Variants in MON2 observed in about 807,000 individuals in gnomAD.
The protein encoded by MON2 is protein MON2 homolog.
A neutral mutation model predicts 208.6 loss-of-function variants in MON2; 84 were observed. The observed-to-expected ratio is 0.40, with a 90% CI of 0.34 to 0.48. The LOEUF is 0.48. MON2 is among the 20% of genes least tolerant of loss of function. MON2 has a pLI of 0.59. For missense variants in MON2, 1,611 were observed against 2,015.4 expected, an observed-to-expected ratio of 0.80 and a Z score of 3.84; for synonymous variants, 660 against 694.0, an observed-to-expected ratio of 0.95 and a Z score of 0.77.
At chr12:62,583,717 G>A (rs1278601436) in intron 32 of MON2, among the ~76,000 whole-genome samples, 1 of 151,648 alleles carries the variant, frequency 6.6e-6, no homozygotes, top group Non-Finnish European at 1.5e-5. Context: ...GGGAGGCTGA[G>A]ATGGGTGGAT....
intron 32 of MON2, 118 bp from the exon 33 acceptor site, chr12:62,585,176 C>G: frequency 1.5e-6 from 1 of 686,568 alleles, no homozygotes; most frequent in Non-Finnish European, 2.4e-6. Context: ...ATAGGTTGTT[C>G]TAGGTGCCTT....
chr12:62,550,393 A>G lies in MON2; in HGVS notation c.2916+563A>G, dbSNP rs905025592. Among the ~76,000 whole-genome samples the G allele has an allele frequency of 9.2e-5, 14 of 152,212 alleles. No individual in the cohort carries two copies. In the South Asian group the frequency reaches 2.9e-3, roughly 32 times the overall value. On this transcript the variant is annotated intron_variant, in intron 23 of 34. Transcript: ENST00000393630. Reference sequence around the variant, plus strand: ...AAAAATTAGCTGTGTATGGTGGTGCACACCTGTAGTCTCAGCTACATGGGA... The same window carrying G: ...AAAAATTAGCTGTGTATGGTGGTGCGCACCTGTAGTCTCAGCTACATGGGA...
At chr12:62,508,525 T>C (rs750528726) in intron 8 of MON2, 45 bp downstream of exon 8, 3 of 1,563,114 alleles carry the variant, frequency 1.9e-6, no homozygotes, top group Admixed American at 1.7e-5. Flanking sequence ...AGTTGCATGT[T>C]GTGCCCTTTG....
At position 62,566,392 on chromosome 12, in the gene MON2, A is replaced by C. The variant is rs756092416; in HGVS notation, c.4265A>C (p.Gln1422Pro). Reference sequence around the variant, plus strand: ...TTAGAAGTAGTTGTGGATTTATACCAAAAAACAGCGTGTCACAAAGCAGTG... The same window carrying C: ...TTAGAAGTAGTTGTGGATTTATACCCAAAAACAGCGTGTCACAAAGCAGTG... ...RSLEVVVDLY[Q>P]KTACHKAVVN... Residue 1422 changes from glutamine (Q) to proline (P), a missense_variant, in exon 29 of 35, where the codon CAA becomes CCA. Coordinates refer to ENST00000393630, the MANE Select transcript of MON2 (RefSeq NM_015026.3). 6.2e-7 allele frequency: 1 copy of C among 1,613,538 alleles called. No homozygotes were observed. The highest frequency in any genetic ancestry group is 8.5e-7 in the Non-Finnish European group (1 of 1,179,626).
In MON2 at chr12:62,500,893, A is replaced by G. The variant is rs770393473; in HGVS notation, c.663+13A>G. ...TATGCTTTTCCAGGTATTTTAGTTG[A>G]TAAAAGTAATTTTTATTCTAAAATA... On this transcript the variant is annotated intron_variant, in intron 6 of 34. Coordinates refer to ENST00000393630, the MANE Select transcript of MON2 (RefSeq NM_015026.3). 2.1e-6 allele frequency: 3 copies of G among 1,423,058 alleles called. No homozygotes were observed. The highest frequency in any genetic ancestry group is 2.6e-5 in the South Asian group (2 of 75,506). The allele number at this position is 1,423,058 out of a possible 1,614,324, so 88.2% of individuals were successfully genotyped here. A position where few individuals can be genotyped will look rare whatever the true frequency, so the allele number is the denominator to read the frequency against.
intron 7 of MON2, among the ~76,000 whole-genome samples, chr12:62,506,252 C>A (rs966712420): frequency 9.2e-5 from 14 of 152,200 alleles, no homozygotes; most frequent in African/African-American, 3.1e-4. Flanking sequence ...AATCACTTAT[C>A]TCTTAAGATC....
intron 13 of MON2, 47 bp downstream of exon 13, chr12:62,534,973 A>G: frequency 7.4e-7 from 1 of 1,348,182 alleles, no homozygotes; most frequent in Non-Finnish European, 1.1e-6. Flanking sequence ...CAGTTAAAAA[A>G]AACACATTAA....
intron 20 of MON2, 36 bp from the exon 21 acceptor site, chr12:62,544,862 A>C: frequency 6.3e-7 from 1 of 1,588,842 alleles, no homozygotes; most frequent in Non-Finnish European, 8.6e-7. Flanking sequence ...TCATAGCTTA[A>C]GTATACAAAT....
At chr12:62,546,768 A>G in intron 21 of MON2, 129 bp from the exon 22 acceptor site, 5 of 704,580 alleles carry the variant, frequency 7.1e-6, no homozygotes, top group East Asian at 3.2e-5. Context: ...AAAAAAATAA[A>G]TAAAACATAA....
At chr12:62,571,159 C>T (rs1592431001) in intron 29 of MON2, among the ~76,000 whole-genome samples, 1 of 152,022 alleles carries the variant, frequency 6.6e-6, no homozygotes, top group Non-Finnish European at 1.5e-5. Context: ...TTTATGTAGG[C>T]TCATTGTTTA....
At chr12:62,489,898 A>G in intron 2 of MON2, 1 of 320,638 alleles carries the variant, frequency 3.1e-6, no homozygotes, top group South Asian at 3.5e-5. Flanking sequence ...TATCAAAATA[A>G]TGTCTAAGTC....
chr12:62,591,908 C>T lies in MON2; in HGVS notation c.4991-678C>T, dbSNP rs897725779. Among the ~76,000 whole-genome samples, 4 of 152,208 alleles carry T rather than the reference C, an allele frequency of 2.6e-5. No homozygotes were observed. The East Asian group carries it at 7.7e-4, about 29-fold the overall frequency. On this transcript the variant is annotated intron_variant, in intron 34 of 34. Coordinates refer to ENST00000393630, the MANE Select transcript of MON2 (RefSeq NM_015026.3). ...TAAAAAAAATCTTGCATATTGGGTG[C>T]CCAACATTATGCACAATACTTATAG...
intron 8 of MON2, among the ~76,000 whole-genome samples, chr12:62,512,235 T>A (rs2071445198): frequency 6.6e-6 from 1 of 152,118 alleles, no homozygotes; most frequent in Admixed American, 6.5e-5. Flanking sequence ...AAGTCTTAAC[T>A]CATTTCAGCA....
chr12:62,577,991 A>G (rs1253699919), intron 30 of MON2, among the ~76,000 whole-genome samples: 1 of 152,056 alleles, frequency 6.6e-6, no homozygotes, highest in Non-Finnish European at 1.5e-5. Context: ...TTTATTGTAA[A>G]GATCTTTAAT....
chr12:62,469,996 C>T (rs1286144276), intron 1 of MON2, among the ~76,000 whole-genome samples: 2 of 151,824 alleles, frequency 1.3e-5, no homozygotes, highest in African/African-American at 4.8e-5. Flanking sequence ...CGTTGACATC[C>T]TGGGTTCAAG....
intron 9 of MON2, 81 bp from the exon 10 acceptor site, chr12:62,525,003 A>G (rs944948923): frequency 8.4e-7 from 1 of 1,186,512 alleles, no homozygotes; most frequent in Non-Finnish European, 1.2e-6. Flanking sequence ...CTCTTATAGT[A>G]ATATCACTTG....
At chr12:62,555,963 C>T (rs1449702825) in intron 24 of MON2, 31 bp from the exon 25 acceptor site, 6 of 1,471,592 alleles carry the variant, frequency 4.1e-6, no homozygotes, top group Non-Finnish European at 5.6e-6. Context: ...ATTATCAATG[C>T]ATTTTAAATG....
In MON2 at chr12:62,508,349, C is replaced by T; in HGVS notation, c.853C>T (p.Pro285Ser). 1 of 1,613,972 alleles carries T rather than the reference C, an allele frequency of 6.2e-7. No homozygotes were observed. Among genetic ancestry groups the T allele is most frequent in the South Asian group, 1.1e-5 (1 of 91,068 alleles). Reference protein sequence around the residue: ...VCPLVIKLFSPNIKFRQGSST... With the variant: ...VCPLVIKLFSSNIKFRQGSST... ...TCCTCTTGTGATAAAGCTCTTTTCT[C>T]CAAATATAAAGTTCAGACAAGGTTC... The change falls in exon 8 of 35, where the codon CCA becomes TCA. Residue 285 changes from proline to serine, a missense_variant. Physicochemically the swap from Pro to Ser is moderately conservative, Grantham distance 74 (BLOSUM62 -1). Coordinates refer to ENST00000393630, the MANE Select transcript of MON2 (RefSeq NM_015026.3).
rs1198191439 is a variant in MON2 at position 62,572,876 on chromosome 12, GA to G, written c.4514+1301del. ...AAATTATGGATTTGATGTACTTGAA[GA>G]AAAAAACTACATTGGCATATGGATA... is the stretch of plus-strand genomic sequence containing the variant. On this transcript the variant is annotated intron_variant, in intron 30 of 34. Transcript: ENST00000393630. Among the ~76,000 whole-genome samples, 18 of 152,070 alleles carry G rather than the reference GA, an allele frequency of 1.2e-4. 1 individual carries two copies. In the South Asian group the frequency reaches 2.3e-3, roughly 19 times the overall value.
Sources: gnomAD v4.1 joint callset for allele counts (sites outside exome capture counted in the v4.1 genomes callset) on GRCh38, gnomAD v4.1.1 for gene constraint, MANE v1.5 for transcripts, NCBI Gene and HGNC (gene_info 2026-07-23, HGNC 2026-07-21) for gene names.